The following ECE1 variants were observed in gnomAD, a reference collection of about 807,000 sequenced individuals.
The protein encoded by ECE1 is endothelin converting enzyme 1.
Under a neutral mutation model 98.6 loss-of-function variants are expected in ECE1, and 35 were observed. The ratio of observed to expected loss-of-function variants is 0.35; its 90% confidence interval spans 0.27 to 0.47. The LOEUF (loss-of-function observed/expected upper bound fraction) is 0.47. Among genes scored for constraint, ECE1 ranks in the 20% least tolerant of loss-of-function variants. The probability of loss-of-function intolerance (pLI) is 1.00; values close to 1 mark genes in which losing one functional copy is unlikely to be tolerated. For missense variants in ECE1, 814 were observed against 1,025.3 expected (o/e 0.79, Z 2.81); for synonymous variants, 394 against 407.1 (o/e 0.97, Z 0.39).
At chr1:21,281,050 A>G (rs981312249) in intron 2 of ECE1, among the ~76,000 whole-genome samples, 2 of 152,052 alleles carry the variant, frequency 1.3e-5, no homozygotes, top group Admixed American at 6.6e-5. Flanking sequence ...ATTAGCCAGG[A>G]GTGGTGACAG....
chr1:21,301,779 T>C (rs1202684124), intron 1 of ECE1, among the ~76,000 whole-genome samples: 1 of 140,328 alleles, frequency 7.1e-6, no homozygotes, highest in African/African-American at 2.7e-5. Context: ...TGAGCCGAGA[T>C]TGCACCACTG....
chr1:21,338,673 A>G (rs1639346856), intron 1 of ECE1, among the ~76,000 whole-genome samples: 1 of 152,186 alleles, frequency 6.6e-6, no homozygotes, highest in South Asian at 2.1e-4. Context: ...GAGGCCCACG[A>G]AGGAAGACCG....
At chr1:21,222,360 G>A (rs1363720141) in intron 17 of ECE1, among the ~76,000 whole-genome samples, 1 of 152,064 alleles carries the variant, frequency 6.6e-6, no homozygotes, top group Admixed American at 6.6e-5. Flanking sequence ...CCTCACAACA[G>A]CTTTCTAATC....
chr1:21,290,374 G>A lies in ECE1; in HGVS notation c.41C>T (p.Ser14Leu). Residue 14 changes from serine to leucine, a missense_variant, in exon 1 of 19, where the codon TCG (serine) becomes TTG (leucine). Coordinates refer to ENST00000374893, the MANE Select transcript of ECE1 (RefSeq NM_001397.3). The surrounding 1 kb of genome is among the most constrained non-coding windows in gnomAD (Gnocchi z 7.3). The stretch of plus-strand genomic sequence containing the variant: ...CCGCGCCCGCCTCACCCCCAGCGCC[G>A]ACAGCAGGGCGGACACCGGGGGCGG... ...VWPPPVSALL[S>L]ALGMSTYKRA... 1 of 1,186,776 alleles carries A rather than the reference G, an allele frequency of 8.4e-7. No homozygotes were observed. Among genetic ancestry groups the A allele is most frequent in the Non-Finnish European group, 1.0e-6 (1 of 961,816 alleles). 73.5% of individuals were successfully genotyped at this position (1,186,776 alleles called of 1,614,324 possible).
rs115931690 is a variant in ECE1, at chr1:21,237,774, C to A, written c.1389+360G>T. Among the ~76,000 whole-genome samples, 254 of 152,330 alleles carry A rather than the reference C, an allele frequency of 1.7e-3. 1 individual carries two copies. The highest frequency in any genetic ancestry group is 5.7e-3 in the African/African-American group (239 of 41,586). The stretch of plus-strand genomic sequence containing the variant: ...ATGGCACTCCTCTGCCTGTCTAGAA[C>A]AAACCTGTCACCCACAAAATAAGAA... On this transcript the variant is annotated intron_variant, in intron 11 of 18. Coordinates refer to ENST00000374893, the MANE Select transcript of ECE1 (RefSeq NM_001397.3).
At chr1:21,316,364 GT>G (rs1638832868) in intron 1 of ECE1, among the ~76,000 whole-genome samples, 1 of 152,156 alleles carries the variant, frequency 6.6e-6, no homozygotes, top group African/African-American at 2.4e-5. Context: ...TGCCTCCTGG[GT>G]TCAAGCAATG....
chr1:21,341,720 A>G (rs1189937248), intron 1 of ECE1, among the ~76,000 whole-genome samples: 1 of 152,096 alleles, frequency 6.6e-6, no homozygotes, highest in Non-Finnish European at 1.5e-5. Context: ...GTGCTCTGGG[A>G]GCCCCATCTG....
intron 1 of ECE1, among the ~76,000 whole-genome samples, chr1:21,297,132 C>T (rs1315210198): frequency 6.6e-6 from 1 of 152,232 alleles, no homozygotes; most frequent in African/African-American, 2.4e-5. Flanking sequence ...GTGCTGGCAG[C>T]AGGAGACTTG....
intron 1 of ECE1, among the ~76,000 whole-genome samples, chr1:21,336,216 C>T (rs894471232): frequency 3.9e-5 from 6 of 151,996 alleles, no homozygotes; most frequent in Non-Finnish European, 7.4e-5. Flanking sequence ...CTTGTCTCTA[C>T]AAAAAAATAT....
rs113856497 is a variant in ECE1 at position 21,243,931 on chromosome 1, T to A, written c.1278+1058A>T. On this transcript the variant is annotated intron_variant, in intron 10 of 18. Transcript: ENST00000374893. Reference sequence around the variant, plus strand: ...TGTTCCCAGCTACCTTCTCCCTCAGTCCCCTTCCTGCCAGAGGTAGGTTTG... The same window carrying A: ...TGTTCCCAGCTACCTTCTCCCTCAGACCCCTTCCTGCCAGAGGTAGGTTTG... 9.8e-5 allele frequency among the ~76,000 whole-genome samples: 15 copies of A among 152,296 alleles called. 1 individual carries two copies. Among genetic ancestry groups the A allele is most frequent in the African/African-American group, 3.4e-4 (14 of 41,574 alleles).
intron 18 of ECE1, 64 bp downstream of exon 18, chr1:21,221,683 G>T: frequency 5.2e-6 from 8 of 1,553,274 alleles, no homozygotes; most frequent in Non-Finnish European, 7.1e-6. Context: ...TCGGCTCTCT[G>T]GGCTCTTGAA....
rs774027916 is a variant in ECE1, at chr1:21,235,674, TAAG to T, written c.1566+173_1566+175del. Among the ~76,000 whole-genome samples, 19 of 152,074 alleles carry T rather than the reference TAAG, an allele frequency of 1.2e-4. No homozygotes were observed. The highest frequency in any genetic ancestry group is 3.9e-4 in the African/African-American group (16 of 41,398). ...CCTCCAGCTGACCCAGGAGCCAAAT[TAAG>T]AAGAAGAAGAGGCTTCCTCATGCCT... On this transcript the variant is annotated intron_variant, in intron 13 of 18. Transcript: ENST00000374893. This position sits in a 1 kb window ranked among gnomAD's most constrained non-coding sequence, Gnocchi z 4.2.
intron 16 of ECE1, among the ~76,000 whole-genome samples, chr1:21,226,218 T>C (rs1443813542): frequency 6.6e-6 from 1 of 152,212 alleles, no homozygotes; most frequent in Non-Finnish European, 1.5e-5. Context: ...GCAGTTGGAC[T>C]GGAGAAGTCT....
Position 21,327,466 on chromosome 1 carries a change from A to G in ECE1, c.3+17910T>C, listed in dbSNP as rs573097538. 3.4e-4 allele frequency among the ~76,000 whole-genome samples: 52 copies of G among 151,724 alleles called. No homozygotes were observed. Among genetic ancestry groups the G allele is most frequent in the Non-Finnish European group, 6.6e-4 (45 of 67,900 alleles). On this transcript the variant is annotated intron_variant, in intron 1 of 18. Coordinates refer to the ECE1 transcript ENST00000415912. The surrounding 1 kb of genome is among the most constrained non-coding windows in gnomAD (Gnocchi z 4.6). ...CACTGGCCTGGGCAAAGCCACCACC[A>G]TTTTCTGATGCCACTCTTGCCCTCC...
chr1:21,227,748 C>G (rs1014741822), intron 15 of ECE1, among the ~76,000 whole-genome samples, 183 bp downstream of exon 15: 1 of 152,130 alleles, frequency 6.6e-6, no homozygotes, highest in Non-Finnish European at 1.5e-5. Context: ...CTGTGCAGGG[C>G]TTCCAGATCT....
chr1:21,321,395 G>A (rs1411009784), intron 1 of ECE1, among the ~76,000 whole-genome samples: 3 of 152,186 alleles, frequency 2.0e-5, no homozygotes, highest in Non-Finnish European at 4.4e-5. Flanking sequence ...CCACTGGGAG[G>A]AGCAGCCCTG....
At chr1:21,222,104 G>T in intron 17 of ECE1, 1 of 518,790 alleles carries the variant, frequency 1.9e-6, no homozygotes, top group Non-Finnish European at 3.5e-6. Context: ...ATTCAACTGT[G>T]CCAGCTGGAC....
chr1:21,226,208 G>A (rs1050628181), intron 16 of ECE1, among the ~76,000 whole-genome samples: 32 of 152,182 alleles, frequency 2.1e-4, no homozygotes, highest in African/African-American at 7.5e-4. Context: ...CCCCCTGACT[G>A]CAGTTGGACT....
intron 1 of ECE1, among the ~76,000 whole-genome samples, chr1:21,329,578 CAGGGTTGTTGCAATGATCTGAGG>C (rs1453476959): frequency 6.6e-6 from 1 of 152,182 alleles, no homozygotes; most frequent in East Asian, 1.9e-4. Context: ...CTCTACCTGC[CAGGGTTGTTGCAATGATCTGAGG>C]AGGTGCCTTA....
Sources: allele counts gnomAD v4.1 joint callset (sites outside exome capture counted in the v4.1 genomes callset), GRCh38; gene constraint gnomAD v4.1.1; non-coding constraint Gnocchi (gnomAD v3.1); transcripts MANE v1.5; gene names NCBI Gene and HGNC (gene_info 2026-07-23, HGNC 2026-07-21).